Variants in TRIM28 observed in about 807,000 individuals in gnomAD.
TRIM28 encodes transcription intermediary factor 1-beta.
TRIM28 carries 8 observed loss-of-function variants against 87.4 expected under a neutral mutation model. The ratio of observed to expected loss-of-function variants is 0.09; its 90% confidence interval spans 0.05 to 0.17. The LOEUF is 0.17. TRIM28 is among the 10% of genes least tolerant of loss of function. The pLI is 1.00. For synonymous variants in TRIM28, 601 were observed against 454.3 expected (o/e 1.32, Z -4.11); for missense variants, 968 against 1,131.8 (o/e 0.86, Z 2.08).
chr19:58,547,550 A>G (rs1293545127), intron 4 of TRIM28, 39 bp downstream of exon 4: 1 of 1,613,404 alleles, frequency 6.2e-7, no homozygotes, highest in East Asian at 2.2e-5. Flanking sequence ...GGTGGGTGCC[A>G]CCCCTTCCGT....
chr19:58,546,340 C>G (rs926945578), intron 3 of TRIM28, among the ~76,000 whole-genome samples: 5 of 152,178 alleles, frequency 3.3e-5, no homozygotes, highest in Admixed American at 2.0e-4. Flanking sequence ...AGTGTTTTAG[C>G]TTTTGAGTTG....
chr19:58,545,931 C>A, intron 3 of TRIM28, 35 bp downstream of exon 3: 1 of 1,570,306 alleles, frequency 6.4e-7, no homozygotes, highest in South Asian at 1.1e-5. Context: ...TGGAGTTGTT[C>A]TCCCATGTGT....
chr19:58,548,922 ACCT>A lies in TRIM28; in HGVS notation c.1409+15_1409+17del, dbSNP rs764777078. On this transcript the variant is annotated intron_variant, in intron 11 of 16. Transcript: ENST00000253024. ...TCAGGTGTGAAACGGTAAGTATGGC[ACCT>A]CCCCTGGGGGTGAGGTGGATGGAGG... 64 of 1,613,590 alleles carry A rather than the reference ACCT, an allele frequency of 4.0e-5. No individual in the cohort carries two copies. Among genetic ancestry groups the A allele is most frequent in the South Asian group, 9.9e-5 (9 of 91,072 alleles).
intron 1 of TRIM28, 105 bp downstream of exon 1, chr19:58,545,202 G>A: frequency 9.0e-7 from 1 of 1,112,464 alleles, no homozygotes; most frequent in Non-Finnish European, 1.2e-6. Flanking sequence ...TGGGGGCCCG[G>A]ACAGGGCACG....
rs1014304185 is a variant in TRIM28 at position 58,546,828 on chromosome 19, G to T, written c.587-548G>T. The stretch of plus-strand genomic sequence containing the variant: ...GCACCAAGATTCTGCTCTAGAGGGG[G>T]TGTGACCACCATTCTGAGGGTCCTG... On this transcript the variant is annotated intron_variant, in intron 3 of 16. Coordinates refer to ENST00000253024, the MANE Select transcript of TRIM28 (RefSeq NM_005762.3). Among the ~76,000 whole-genome samples, 16 of 152,218 alleles carry T rather than the reference G, an allele frequency of 1.1e-4. No individual in the cohort carries two copies. In the South Asian group the frequency reaches 3.1e-3, roughly 30 times the overall value.
chr19:58,548,684 T>C (rs2053783927), intron 9 of TRIM28, 56 bp from the exon 10 acceptor site: 1 of 1,605,328 alleles, frequency 6.2e-7, no homozygotes, highest in South Asian at 1.1e-5. Context: ...GGGCAGGGAA[T>C]GGGGTCCAGT....
At position 58,547,659 on chromosome 19, in the gene TRIM28, G is replaced by A; in HGVS notation, c.785G>A (p.Arg262His). 3 of 1,614,102 alleles carry A rather than the reference G, an allele frequency of 1.9e-6. No individual in the cohort carries two copies. The highest frequency in any genetic ancestry group is 2.5e-6 in the Non-Finnish European group (3 of 1,180,006). The change falls in exon 5 of 17, where the codon CGC (arginine) becomes CAC (histidine). Residue 262 changes from arginine (R) to histidine (H), a missense_variant. Transcript: ENST00000253024. The part of the protein sequence containing the change: ...QRKLLASLVK[R>H]LGDKHATLQK... ...AAGCTCCTGGCCTCACTGGTGAAGC[G>A]CCTTGGGGACAAACATGCAACATTG... is the stretch of plus-strand genomic sequence containing the variant.
In TRIM28 at chr19:58,549,073, G is replaced by C. The variant is rs1402639354; in HGVS notation, c.1495G>C (p.Ala499Pro). 1 of 1,614,110 alleles carries C rather than the reference G, an allele frequency of 6.2e-7. No homozygotes were observed. Among genetic ancestry groups the C allele is most frequent in the Non-Finnish European group, 8.5e-7 (1 of 1,180,010 alleles). The stretch of plus-strand genomic sequence containing the variant: ...TGAACGCCTGGACCTGGACCTCACA[G>C]CTGACAGCCAGCCACCCGTCTTCAA... Reference protein sequence around the residue: ...SLERLDLDLTADSQPPVFKVF... With the variant: ...SLERLDLDLTPDSQPPVFKVF... The change falls in exon 12 of 17, where the codon GCT (alanine) becomes CCT (proline). Residue 499 changes from alanine to proline, a missense_variant. Transcript: ENST00000253024. This position sits in a 1 kb window ranked among gnomAD's most constrained non-coding sequence, Gnocchi z 4.4.
Position 58,547,929 on chromosome 19 carries a change from G to C in TRIM28, c.954+23G>C, listed in dbSNP as rs754704248. 4.3e-6 allele frequency: 7 copies of C among 1,613,902 alleles called. No homozygotes were observed. The Admixed American group carries it at 5.0e-5, about 12-fold the overall frequency. ...CAGGTAAGCCTTGTGCCGGTGAGAAGGGTCCCTGAGCCCCCTCTGCTGATT... is the reference window on the plus strand; with the variant it reads ...CAGGTAAGCCTTGTGCCGGTGAGAACGGTCCCTGAGCCCCCTCTGCTGATT... On this transcript the variant is annotated intron_variant, in intron 6 of 16. Coordinates refer to ENST00000253024, the MANE Select transcript of TRIM28 (RefSeq NM_005762.3).
In TRIM28 at chr19:58,548,510, G is replaced by C. The variant is rs2122630109; in HGVS notation, c.1241G>C (p.Gly414Ala). 6.2e-7 allele frequency: 1 copy of C among 1,614,034 alleles called. No individual in the cohort carries two copies. Among genetic ancestry groups the C allele is most frequent in the East Asian group, 2.2e-5 (1 of 44,878 alleles). Residue 414 changes from glycine (G) to alanine (A), a missense_variant, in exon 9 of 17, where the codon GGC (glycine) becomes GCC (alanine). Gly to Ala is a moderately conservative substitution (Grantham distance 60, BLOSUM62 0). Around this residue, in one of 11 missense-constraint regions of TRIM28, gnomAD observed 84 missense variants for 139.9 expected, o/e 0.60. Transcript: ENST00000253024. The part of the protein sequence containing the change: ...AFGKIVAERP[G>A]TNSTGPAPMA... Reference sequence around the variant, plus strand: ...GGCAAGATTGTGGCAGAGCGTCCTGGCACTAACTCAACAGGCCCTGCACCC... The same window carrying C: ...GGCAAGATTGTGGCAGAGCGTCCTGCCACTAACTCAACAGGCCCTGCACCC...
At position 58,549,394 on chromosome 19, in the gene TRIM28, C is replaced by T. The variant is rs1404814441; in HGVS notation, c.1726C>T (p.Pro576Ser). Residue 576 changes from proline to serine, a missense_variant, in exon 13 of 17, where the codon CCT (proline) becomes TCT (serine). Physicochemically the swap from Pro to Ser is moderately conservative, Grantham distance 74. This residue lies in a region of TRIM28 where 164 missense variants were observed against 146.2 expected (regional missense o/e 1.12). Coordinates refer to ENST00000253024, the MANE Select transcript of TRIM28 (RefSeq NM_005762.3). This position sits in a 1 kb window ranked among gnomAD's most constrained non-coding sequence, Gnocchi z 4.4. The part of the protein sequence containing the change: ...PTATEGPETK[P>S]VLMALAEGPG... Reference sequence around the variant, plus strand: ...TGCCACTGAGGGCCCTGAGACCAAACCTGTGCTTATGGCTCTTGCGGAGGG... The same window carrying T: ...TGCCACTGAGGGCCCTGAGACCAAATCTGTGCTTATGGCTCTTGCGGAGGG... 2.5e-6 allele frequency: 4 copies of T among 1,589,502 alleles called. No homozygotes were observed. Among genetic ancestry groups the T allele is most frequent in the African/African-American group, 1.3e-5 (1 of 74,354 alleles).
chr19:58,549,712 C>T lies in TRIM28; in HGVS notation c.1983-25C>T. The stretch of plus-strand genomic sequence containing the variant: ...TGGGCTGTCTGGACAGGATCATGTG[C>T]AGACCCTTATTTTCTTCACCCTAGG... On this transcript the variant is annotated intron_variant, in intron 13 of 16. Coordinates refer to ENST00000253024, the MANE Select transcript of TRIM28 (RefSeq NM_005762.3). The surrounding 1 kb of genome is among the most constrained non-coding windows in gnomAD (Gnocchi z 4.4). 1 of 1,598,812 alleles carries T rather than the reference C, an allele frequency of 6.3e-7. No individual in the cohort carries two copies. The highest frequency in any genetic ancestry group is 1.1e-5 in the South Asian group (1 of 89,434).
intron 3 of TRIM28, 119 bp from the exon 4 acceptor site, chr19:58,547,257 C>T (rs1216720261): frequency 5.2e-6 from 7 of 1,348,064 alleles, no homozygotes; most frequent in Non-Finnish European, 7.1e-6. Flanking sequence ...CCCTCTACAT[C>T]TTCCCAATAA....
chr19:58,545,014 C>A lies in TRIM28; in HGVS notation c.257C>A (p.Ser86Ter). 6.6e-7 allele frequency: 1 copy of A among 1,504,634 alleles called. No individual in the cohort carries two copies. Among genetic ancestry groups the A allele is most frequent in the Admixed American group, 2.3e-5 (1 of 42,652 alleles). The allele number at this position is 1,504,634 out of a possible 1,614,324, so 93.2% of individuals were successfully genotyped here. Residue 86 changes from serine to a stop codon, truncating the protein, a stop_gained, in exon 1 of 17, where the codon TCG becomes TAG. Transcript: ENST00000253024. LOFTEE classifies it high-confidence loss of function. ...REPRLLPCLH[S>*]ACSACLGPAA... ...CCCCGCCTGCTGCCCTGTTTGCACT[C>A]GGCCTGTAGTGCCTGCTTAGGGCCC...
intron 3 of TRIM28, among the ~76,000 whole-genome samples, chr19:58,546,886 C>G (rs1186551101): frequency 1.3e-5 from 2 of 152,080 alleles, no homozygotes; most frequent in East Asian, 3.8e-4. Flanking sequence ...GTATGAGAAC[C>G]TCTACAAGGT....
At chr19:58,547,051 C>T in intron 3 of TRIM28, 1 of 236,968 alleles carries the variant, frequency 4.2e-6, no homozygotes, top group South Asian at 5.9e-5. Context: ...GTAAAGGGAA[C>T]AGTGTGGGGA....
Position 58,547,113 on chromosome 19 carries a change from C to T in TRIM28, c.587-263C>T, listed in dbSNP as rs977827627. ...TGGGGTGGTCCTCTTTTTCTAGACG[C>T]TGTTATCCTTACCCTTACATTGTTG... On this transcript the variant is annotated intron_variant, in intron 3 of 16. Transcript: ENST00000253024. 6.4e-6 allele frequency: 3 copies of T among 467,156 alleles called. No individual in the cohort carries two copies. The Admixed American group carries it at 1.1e-4, about 17-fold the overall frequency. 28.9% of individuals were successfully genotyped at this position (467,156 alleles called of 1,614,324 possible).
rs1046721625 is a variant in TRIM28, at chr19:58,548,277, C to T, written c.1102-17C>T. On this transcript the variant is annotated splice_polypyrimidine_tract_variant and intron_variant, in intron 7 of 16. Transcript: ENST00000253024. ...TGTTGGTGTGCTCATTCTTTCCTCC[C>T]TTTCACTCCCAACCAGATCTACTTC... 6.2e-6 allele frequency: 10 copies of T among 1,614,050 alleles called. No individual in the cohort carries two copies. The South Asian group carries it at 7.7e-5, about 12-fold the overall frequency.
rs1568661570 is a variant in TRIM28, at chr19:58,548,512, A to G, written c.1243A>G (p.Thr415Ala). Residue 415 changes from threonine (T) to alanine (A), a missense_variant, in exon 9 of 17, where the codon ACT (threonine) becomes GCT (alanine). Physicochemically the swap from Thr to Ala is moderately conservative, Grantham distance 58. Around this residue, in one of 11 missense-constraint regions of TRIM28, gnomAD observed 119 missense variants for 93.6 expected, o/e 1.27. Coordinates refer to ENST00000253024, the MANE Select transcript of TRIM28 (RefSeq NM_005762.3). ...FGKIVAERPG[T>A]NSTGPAPMAP... ...CAAGATTGTGGCAGAGCGTCCTGGC[A>G]CTAACTCAACAGGCCCTGCACCCAT... 4 of 1,614,018 alleles carry G rather than the reference A, an allele frequency of 2.5e-6. No individual in the cohort carries two copies. Among genetic ancestry groups the G allele is most frequent in the Non-Finnish European group, 3.4e-6 (4 of 1,180,014 alleles).
Sources: gnomAD v4.1 joint callset for allele counts (sites outside exome capture counted in the v4.1 genomes callset) on GRCh38, gnomAD v4.1.1 for gene constraint, gnomAD v4.1.1 regional missense constraint, Gnocchi (gnomAD v3.1) non-coding constraint, MANE v1.5 for transcripts, NCBI Gene and HGNC (gene_info 2026-07-23, HGNC 2026-07-21) for gene names.